The following ITGA9 variants were observed in gnomAD, a reference collection of about 807,000 sequenced individuals.
The protein encoded by ITGA9 is integrin alpha-9.
Under a neutral mutation model 127.8 loss-of-function variants are expected in ITGA9, and 56 were observed. The observed-to-expected ratio is 0.44, with a 90% confidence interval of 0.35 to 0.55. The LOEUF (loss-of-function observed/expected upper bound fraction) is 0.55. Among genes scored for constraint, ITGA9 ranks in the 20% least tolerant of loss-of-function variants. The pLI is 0.00. For synonymous variants in ITGA9, 508 were observed against 514.5 expected (o/e 0.99, Z 0.17); for missense variants, 1,196 against 1,347.1 (o/e 0.89, Z 1.76).
intron 19 of ITGA9, among the ~76,000 whole-genome samples, chr3:37,733,834 A>G (rs911954349): frequency 1.3e-5 from 2 of 152,218 alleles, no homozygotes; most frequent in Non-Finnish European, 2.9e-5. Context: ...GCAAAAAGGT[A>G]ATAACTTTCT....
intron 15 of ITGA9, among the ~76,000 whole-genome samples, chr3:37,580,346 T>C (rs1250646904): frequency 6.6e-6 from 1 of 152,226 alleles, no homozygotes; most frequent in Admixed American, 6.5e-5. Context: ...AAGGCGGGGC[T>C]TTCCCTTTTG....
rs142197171 is a variant in ITGA9 at position 37,650,708 on chromosome 3, G to A, written c.1840-3006G>A. 8.6e-3 allele frequency among the ~76,000 whole-genome samples: 1,311 copies of A among 152,232 alleles called. 16 individuals carry two copies. The highest frequency in any genetic ancestry group is 0.029 in the African/African-American group (1,213 of 41,526). On this transcript the variant is annotated intron_variant, in intron 16 of 27. Transcript: ENST00000264741. The stretch of plus-strand genomic sequence containing the variant: ...AGCCTCCCAAAGTGCTGGGATTACA[G>A]GTGTGAGCCACCATGCCTGGCCCCA...
At chr3:37,501,179 G>A (rs1299218528) in intron 5 of ITGA9, among the ~76,000 whole-genome samples, 2 of 152,040 alleles carry the variant, frequency 1.3e-5, no homozygotes, top group East Asian at 1.9e-4. Flanking sequence ...TTGCAGTGTC[G>A]AAACTTTAGA....
chr3:37,769,795 C>T (rs1308835948), intron 23 of ITGA9, among the ~76,000 whole-genome samples: 1 of 152,178 alleles, frequency 6.6e-6, no homozygotes, highest in African/African-American at 2.4e-5. Flanking sequence ...GGCTGACTTC[C>T]TGGTGGAGGG....
At chr3:37,512,018 CTT>C (rs769032939) in intron 8 of ITGA9, among the ~76,000 whole-genome samples, 1,496 of 33,186 alleles carry the variant, frequency 0.045, 206 homozygotes, top group Non-Finnish European at 0.064. Flanking sequence ...CTTTTCTTTT[CTT>C]TTCTTTTCTT....
intron 1 of ITGA9, among the ~76,000 whole-genome samples, chr3:37,455,551 G>A (rs749452348): frequency 4.6e-5 from 7 of 152,212 alleles, no homozygotes; most frequent in South Asian, 2.1e-4. Flanking sequence ...ACAAATACTC[G>A]TCAAAATGAG....
chr3:37,660,786 G>A (rs1700526299), intron 17 of ITGA9, among the ~76,000 whole-genome samples: 1 of 152,226 alleles, frequency 6.6e-6, no homozygotes, highest in African/African-American at 2.4e-5. Context: ...CTGGACCTTG[G>A]CTGATTTGTC....
At chr3:37,479,606 C>A (rs1315015130) in intron 3 of ITGA9, among the ~76,000 whole-genome samples, 2 of 152,202 alleles carry the variant, frequency 1.3e-5, no homozygotes, top group Non-Finnish European at 2.9e-5. Flanking sequence ...TTCCATTCGA[C>A]CCCAGAGTGG....
intron 27 of ITGA9, among the ~76,000 whole-genome samples, chr3:37,810,884 A>G (rs568865135): frequency 6.6e-5 from 10 of 152,346 alleles, no homozygotes; most frequent in Admixed American, 1.3e-4. Flanking sequence ...CGTGTCAGCA[A>G]GTGTCTTTTC....
intron 3 of ITGA9, among the ~76,000 whole-genome samples, chr3:37,476,925 G>T (rs1239295855): frequency 6.6e-6 from 1 of 152,050 alleles, no homozygotes; most frequent in African/African-American, 2.4e-5. Context: ...GGGACTGAGG[G>T]TCAATGTTAA....
intron 5 of ITGA9, among the ~76,000 whole-genome samples, chr3:37,495,335 G>A (rs542430740): frequency 4.6e-5 from 7 of 152,296 alleles, no homozygotes; most frequent in Admixed American, 2.6e-4. Flanking sequence ...TTATGTGCCC[G>A]TGTGGTAGTA....
intron 3 of ITGA9, among the ~76,000 whole-genome samples, chr3:37,480,133 G>C (rs2125558094): frequency 6.6e-6 from 1 of 152,096 alleles, no homozygotes; most frequent in East Asian, 1.9e-4. Context: ...TGAGTAAGCA[G>C]CTCGGCTCTT....
intron 18 of ITGA9, among the ~76,000 whole-genome samples, chr3:37,718,793 G>C (rs550890767): frequency 9.3e-4 from 141 of 152,260 alleles, no homozygotes; most frequent in Non-Finnish European, 1.5e-3. Flanking sequence ...TTAATTCTGC[G>C]GCCACACAGA....
Position 37,629,154 on chromosome 3 carries a change from G to C in ITGA9, c.1690-33G>C. 1.2e-6 allele frequency: 2 copies of C among 1,611,708 alleles called. No homozygotes were observed. The highest frequency in any genetic ancestry group is 1.7e-6 in the Non-Finnish European group (2 of 1,179,516). On this transcript the variant is annotated intron_variant, in intron 15 of 27. Coordinates refer to ENST00000264741, the MANE Select transcript of ITGA9 (RefSeq NM_002207.3). The surrounding 1 kb of genome is among the most constrained non-coding windows in gnomAD (Gnocchi z 4.5). ...GCTCTACGACTGTCAGCCAGGATTA[G>C]TAGTTAATGCACGTATTTGTTTATT...
chr3:37,776,412 A>G (rs916862423), intron 23 of ITGA9, among the ~76,000 whole-genome samples: 2 of 152,246 alleles, frequency 1.3e-5, no homozygotes, highest in Non-Finnish European at 1.5e-5. Context: ...TTCTTGAACA[A>G]CTATATTTTA....
At chr3:37,747,764 C>T (rs1575219024) in intron 22 of ITGA9, among the ~76,000 whole-genome samples, 1 of 145,796 alleles carries the variant, frequency 6.9e-6, no homozygotes, top group East Asian at 2.0e-4. Flanking sequence ...GTCTCACTGT[C>T]ACTCAGGCTG....
chr3:37,497,775 A>G (rs1211534427), intron 5 of ITGA9, among the ~76,000 whole-genome samples: 1 of 152,146 alleles, frequency 6.6e-6, no homozygotes, highest in Non-Finnish European at 1.5e-5. Context: ...CCTGTCTAGT[A>G]TTGTATGACT....
chr3:37,678,452 C>T (rs1039566448), intron 17 of ITGA9, among the ~76,000 whole-genome samples: 3 of 152,096 alleles, frequency 2.0e-5, no homozygotes, highest in Admixed American at 6.5e-5. Flanking sequence ...GAAGGATGGA[C>T]GGATGGACAG....
chr3:37,503,419 T>A, intron 6 of ITGA9, 112 bp downstream of exon 6: 1 of 1,214,606 alleles, frequency 8.2e-7, no homozygotes, highest in Non-Finnish European at 1.2e-6. Context: ...CTTTGACGCC[T>A]GTTGTTCTAA....
Sources: allele counts gnomAD v4.1 joint callset (sites outside exome capture counted in the v4.1 genomes callset), GRCh38; gene constraint gnomAD v4.1.1; non-coding constraint Gnocchi (gnomAD v3.1); transcripts MANE v1.5; gene names NCBI Gene and HGNC (gene_info 2026-07-23, HGNC 2026-07-21).